The following BLZF1 variants were observed in gnomAD, a reference collection of about 807,000 sequenced individuals.
The protein encoded by BLZF1 is basic leucine zipper nuclear factor 1.
Under a neutral mutation model 43.8 loss-of-function variants are expected in BLZF1, and 39 were observed. That is an observed-to-expected ratio of 0.89 (90% CI 0.69 to 1.16). The LOEUF (loss-of-function observed/expected upper bound fraction) is 1.16, where lower values mean the gene tolerates loss of function less well. Among genes scored for constraint, BLZF1 ranks in the 50% most tolerant of loss-of-function variants. The pLI, the probability that BLZF1 is intolerant of heterozygous loss-of-function variation, is 0.00. For missense variants in BLZF1, 449 were observed against 469.8 expected (o/e 0.96, Z 0.41); for synonymous variants, 136 against 159.4 (o/e 0.85, Z 1.11).
At chr1:169,390,387 T>G (rs1267116768), downstream of BLZF1, among the ~76,000 whole-genome samples, 1 of 152,058 alleles carries the variant, frequency 6.6e-6, no homozygotes, top group Admixed American at 6.6e-5. Flanking sequence ...ATCAAAGAAG[T>G]CAACAGTTAG....
chr1:169,394,467 T>C (rs1328580051), intron 7 of BLZF1, among the ~76,000 whole-genome samples: 8 of 152,098 alleles, frequency 5.3e-5, no homozygotes, highest in Admixed American at 6.5e-5. Flanking sequence ...TTTTCAACCC[T>C]TGCTCCCTTC....
chr1:169,388,324 TC>T (rs112425935), downstream of BLZF1: 308 of 152,280 alleles, frequency 2.0e-3, 2 homozygotes, highest in African/African-American at 7.0e-3. Flanking sequence ...ATTCCTTTTT[TC>T]CCCCAGAATT....
chr1:169,390,702 AT>A (rs954130953), downstream of BLZF1, among the ~76,000 whole-genome samples: 2 of 152,016 alleles, frequency 1.3e-5, no homozygotes, highest in South Asian at 2.1e-4. Context: ...CTTAAAAAAA[AT>A]TTTTTTTCCC....
At chr1:169,375,391 A>AAGATAT (rs1557846915) in intron 2 of BLZF1, among the ~76,000 whole-genome samples, 1 of 51,844 alleles carries the variant, frequency 1.9e-5, no homozygotes, top group African/African-American at 7.9e-5. Context: ...ATATATATAA[A>AAGATAT]ACATATATAT....
Position 169,387,115 on chromosome 1 carries a change from A to G in BLZF1, c.1136A>G (p.Tyr379Cys), listed in dbSNP as rs756533987. ...AAAAATATTGGACGATTTCATCCCTATACTAGATATGAAAATATAACTTTC... is the reference window on the plus strand; with the variant it reads ...AAAAATATTGGACGATTTCATCCCTGTACTAGATATGAAAATATAACTTTC... ...TKKNIGRFHP[Y>C]TRYENITFNC... Residue 379 changes from tyrosine (Y) to cysteine (C), a missense_variant, in exon 7 of 7, where the codon TAT (tyrosine) becomes TGT (cysteine). Coordinates refer to ENST00000367808, the MANE Select transcript of BLZF1 (RefSeq NM_001320973.2). 2 of 1,613,508 alleles carry G rather than the reference A, an allele frequency of 1.2e-6. No individual in the cohort carries two copies. Among genetic ancestry groups the G allele is most frequent in the Non-Finnish European group, 8.5e-7 (1 of 1,179,828 alleles).
Position 169,378,382 on chromosome 1 carries a change from AG to A in BLZF1, c.522del (p.Gln174HisfsTer7). 6.2e-7 allele frequency: 1 copy of A among 1,612,998 alleles called. No individual in the cohort carries two copies. The highest frequency in any genetic ancestry group is 8.5e-7 in the Non-Finnish European group (1 of 1,179,186). On this transcript the variant is annotated frameshift_variant, in exon 4 of 7. Coordinates refer to ENST00000367808, the MANE Select transcript of BLZF1 (RefSeq NM_001320973.2). LOFTEE classifies it high-confidence loss of function. The part of the protein sequence containing the change: ...LLVASVGDDL[Q>X]YHFERLAREK... The stretch of plus-strand genomic sequence containing the variant: ...GTGGCTTCTGTTGGGGATGATCTTC[AG>A]TATCACTTTGAACGTCTAGCCCGTG...
chr1:169,380,600 C>G lies in BLZF1; in HGVS notation c.788C>G (p.Ala263Gly). Residue 263 changes from alanine to glycine, a missense_variant, in exon 5 of 7, where the codon GCT (alanine) becomes GGT (glycine). By Grantham distance (60) the Ala-to-Gly change is moderately conservative. Coordinates refer to ENST00000367808, the MANE Select transcript of BLZF1 (RefSeq NM_001320973.2). ...EREQFRQEMI[A>G]TQKLLEELLV... ...GAACAGTTTCGTCAAGAAATGATAG[C>G]TACCCAGAAGTATGGCACTTGTTTA... 6.2e-7 allele frequency: 1 copy of G among 1,612,628 alleles called. No homozygotes were observed. Among genetic ancestry groups the G allele is most frequent in the Non-Finnish European group, 8.5e-7 (1 of 1,178,928 alleles).
Position 169,387,024 on chromosome 1 carries a change from T to C in BLZF1, c.1045T>C (p.Cys349Arg). 6.2e-7 allele frequency: 1 copy of C among 1,610,894 alleles called. No individual in the cohort carries two copies. The highest frequency in any genetic ancestry group is 8.5e-7 in the Non-Finnish European group (1 of 1,178,664). The change falls in exon 7 of 7, where the codon TGC becomes CGC. Residue 349 changes from cysteine (C) to arginine (R), a missense_variant. Cys to Arg is a radical substitution (Grantham distance 180). Transcript: ENST00000367808. ...TCTAAGAATTTTAGATCCAGTTACC[T>C]GCAAAGAGAGTTCACCTGATAATCC... ...TVLRILDPVT[C>R]KESSPDNPFF...
At chr1:169,372,260 A>G (rs1654148270) in intron 2 of BLZF1, among the ~76,000 whole-genome samples, 1 of 152,162 alleles carries the variant, frequency 6.6e-6, no homozygotes, top group African/African-American at 2.4e-5. Context: ...TAATTTGTTT[A>G]ACTGTATCAT....
intron 5 of BLZF1, 99 bp from the exon 6 acceptor site, chr1:169,381,963 T>C (rs1177828899): frequency 1.1e-6 from 1 of 911,406 alleles, no homozygotes; most frequent in Non-Finnish European, 1.7e-6. Context: ...GAGAAAGATG[T>C]TATATAATTT....
At position 169,387,576 on chromosome 1, in the gene BLZF1, C is replaced by G. The variant is rs886253541; in HGVS notation, c.*394C>G. 1 of 160,534 alleles carries G rather than the reference C, an allele frequency of 6.2e-6. No individual in the cohort carries two copies. The highest frequency in any genetic ancestry group is 2.4e-5 in the African/African-American group (1 of 41,530). The allele number at this position is 160,534 out of a possible 1,614,324, so 9.9% of individuals were successfully genotyped here. On this transcript the variant is annotated 3_prime_UTR_variant, in exon 7 of 7. Transcript: ENST00000367808. ...AGGCAAACTACAACCATGAGTCAAA[C>G]ATGGCCACACCCATTCATGTGCTAT...
chr1:169,378,481 GTATGTCAA>G lies in BLZF1; in HGVS notation c.623_630del (p.Met208ThrfsTer3). On this transcript the variant is annotated frameshift_variant, in exon 4 of 7. Coordinates refer to ENST00000367808, the MANE Select transcript of BLZF1 (RefSeq NM_001320973.2). LOFTEE classifies it high-confidence loss of function. ...GCTCAGCTTTCTGAACAGTTAGAAC[GTATGTCAA>G]TACAGTGTGATGTATGGCGAAGTAA... is the stretch of plus-strand genomic sequence containing the variant. 1 of 1,612,816 alleles carries G rather than the reference GTATGTCAA, an allele frequency of 6.2e-7. No homozygotes were observed. The highest frequency in any genetic ancestry group is 8.5e-7 in the Non-Finnish European group (1 of 1,179,064).
intron 3 of BLZF1, among the ~76,000 whole-genome samples, 186 bp from the exon 4 acceptor site, chr1:169,378,144 G>T (rs1654420929): frequency 6.6e-6 from 1 of 151,880 alleles, no homozygotes; most frequent in Admixed American, 6.6e-5. Context: ...GATGTATGGA[G>T]AGAAGTAGAG....
intron 2 of BLZF1, 59 bp from the exon 3 acceptor site, chr1:169,376,481 A>C (rs796786690): frequency 6.9e-7 from 1 of 1,459,088 alleles, no homozygotes; most frequent in Non-Finnish European, 9.2e-7. Context: ...AGCATGTATT[A>C]GCATTTTCTT....
At chr1:169,384,557 TC>T (rs958821056) in intron 6 of BLZF1, among the ~76,000 whole-genome samples, 9 of 152,160 alleles carry the variant, frequency 5.9e-5, no homozygotes, top group African/African-American at 2.2e-4. Flanking sequence ...AAGAATCATT[TC>T]CCAAGTGTCA....
At chr1:169,377,894 A>G (rs1458770302) in intron 3 of BLZF1, among the ~76,000 whole-genome samples, 3 of 152,032 alleles carry the variant, frequency 2.0e-5, no homozygotes, top group African/African-American at 7.2e-5. Flanking sequence ...ATACTTAGAA[A>G]CATACTGGAT....
At chr1:169,369,424 T>C (rs1422866414) in intron 1 of BLZF1, 49 bp from the exon 2 acceptor site, 2 of 944,254 alleles carry the variant, frequency 2.1e-6, no homozygotes, top group African/African-American at 3.4e-5. Context: ...AGGTACTCTA[T>C]GTGTTTATAT....
chr1:169,381,934 CTGAG>C (rs1654538589), intron 5 of BLZF1, 124 bp from the exon 6 acceptor site: 10 of 737,876 alleles, frequency 1.4e-5, no homozygotes, highest in Admixed American at 2.8e-5. Flanking sequence ...TTATGGAACT[CTGAG>C]AGAGAAAGGG....
At chr1:169,380,362 T>C in intron 4 of BLZF1, 119 bp from the exon 5 acceptor site, 1 of 840,072 alleles carries the variant, frequency 1.2e-6, no homozygotes, top group South Asian at 2.9e-5. Flanking sequence ...AACTGTGAAG[T>C]AACTATACTG....
Sources: allele counts gnomAD v4.1 joint callset (sites outside exome capture counted in the v4.1 genomes callset), GRCh38; gene constraint gnomAD v4.1.1; transcripts MANE v1.5; gene names NCBI Gene and HGNC (gene_info 2026-07-23, HGNC 2026-07-21).